The following NRAP variants were observed in gnomAD, a reference collection of about 807,000 sequenced individuals.
The protein encoded by NRAP is nebulin-related-anchoring protein.
Under a neutral mutation model 225.9 loss-of-function variants are expected in NRAP, and 189 were observed. That is an observed-to-expected ratio of 0.84 (90% CI 0.74 to 0.94). NRAP has a LOEUF of 0.94. NRAP is among the 40% of genes least tolerant of loss of function. The pLI is 0.00. For missense variants in NRAP, 2,176 were observed against 2,168.7 expected (o/e 1.00, Z -0.07); for synonymous variants, 769 against 790.7 (o/e 0.97, Z 0.46).
At chr10:113,657,448 C>A (rs774050576) in intron 4 of NRAP, 22 bp downstream of exon 4, 1 of 1,199,930 alleles carries the variant, frequency 8.3e-7, no homozygotes, top group Admixed American at 1.7e-5. Context: ...TTTTCCAAAC[C>A]CACTTGTCAC....
chr10:113,643,092 G>T, intron 11 of NRAP, 54 bp from the exon 12 acceptor site: 2 of 882,212 alleles, frequency 2.3e-6, no homozygotes, highest in South Asian at 1.4e-5. Context: ...AGTCACTCTT[G>T]AAAATGTCCC....
At chr10:113,644,348 G>C (rs1405086386) in intron 11 of NRAP, among the ~76,000 whole-genome samples, 1 of 152,060 alleles carries the variant, frequency 6.6e-6, no homozygotes, top group East Asian at 1.9e-4. Flanking sequence ...TGTTCTGTGA[G>C]TGAGAGCAAA....
chr10:113,635,877 G>C (rs3127095), intron 14 of NRAP, among the ~76,000 whole-genome samples: 84,287 of 151,992 alleles, frequency 0.55, 24,610 homozygotes, highest in East Asian at 0.73. Context: ...ACAAACTGTC[G>C]TGGGGTTCCT....
chr10:113,636,304 G>T (rs3127096), intron 14 of NRAP, among the ~76,000 whole-genome samples: 84,114 of 152,006 alleles, frequency 0.55, 24,523 homozygotes, highest in East Asian at 0.73. Context: ...CCACACCTTG[G>T]CCACTCTTGT....
intron 8 of NRAP, 129 bp from the exon 9 acceptor site, chr10:113,650,270 A>C (rs1849862282): frequency 1.3e-6 from 1 of 774,244 alleles, no homozygotes; most frequent in Admixed American, 2.0e-5. Context: ...TGTCTCAGAC[A>C]TAAAAGTGCC....
intron 31 of NRAP, 52 bp from the exon 32 acceptor site, chr10:113,608,564 C>A: frequency 8.6e-7 from 1 of 1,164,404 alleles, no homozygotes; most frequent in Admixed American, 2.0e-5. Context: ...GGATAAAAAC[C>A]AGAAGCAGAA....
intron 31 of NRAP, among the ~76,000 whole-genome samples, chr10:113,609,999 T>C (rs1442704422): frequency 6.7e-6 from 1 of 149,884 alleles, no homozygotes; most frequent in Non-Finnish European, 1.5e-5. Context: ...CCCAGGGGGT[T>C]ACGGAGTGAG....
Position 113,631,842 on chromosome 10 carries a change from T to C in NRAP, c.1740+15A>G, listed in dbSNP as rs1454341088. ...CATTTCTTATGCATTCCTGAGTTAATGAGAGGAAACGTACATTGCTAGCAA... is the reference window on the plus strand; with the variant it reads ...CATTTCTTATGCATTCCTGAGTTAACGAGAGGAAACGTACATTGCTAGCAA... On this transcript the variant is annotated intron_variant, in intron 17 of 41. Transcript: ENST00000359988. 6.5e-7 allele frequency: 1 copy of C among 1,527,764 alleles called. No homozygotes were observed. Among genetic ancestry groups the C allele is most frequent in the African/African-American group, 1.4e-5 (1 of 73,368 alleles). 94.6% of individuals were successfully genotyped at this position (1,527,764 alleles called of 1,614,324 possible). A position where few individuals can be genotyped will look rare whatever the true frequency, so the allele number is the denominator to read the frequency against.
intron 38 of NRAP, among the ~76,000 whole-genome samples, chr10:113,593,053 T>A (rs1327406601): frequency 1.3e-5 from 2 of 151,680 alleles, no homozygotes; most frequent in Non-Finnish European, 2.9e-5. Context: ...GTAGCTAATA[T>A]TTTTTTTTCA....
Position 113,622,164 on chromosome 10 carries a change from T to C in NRAP, c.2474A>G (p.Asp825Gly). 6.2e-7 allele frequency: 1 copy of C among 1,612,862 alleles called. No homozygotes were observed. The highest frequency in any genetic ancestry group is 1.7e-4 in the Middle Eastern group (1 of 6,060). Residue 825 changes from aspartate to glycine, a missense_variant, in exon 24 of 42, where the codon GAT (aspartate) becomes GGT (glycine). By Grantham distance (94) the Asp-to-Gly change is moderately conservative (BLOSUM62 -1). Around this residue, in one of 3 missense-constraint regions of NRAP, gnomAD observed 1,708 missense variants for 1,695.5 expected, o/e 1.01. Coordinates refer to ENST00000359988, the MANE Select transcript of NRAP (RefSeq NM_198060.4). ...GAGCTTCCCTCTGGATCTCTCATAA[T>C]CCTCCTTGTACTTCACCTAAATAAG... ...DLASEVKYKE[D>G]YERSRGKLIG...
intron 40 of NRAP, 60 bp from the exon 41 acceptor site, chr10:113,589,857 T>TTAAG (rs1337665854): frequency 7.0e-6 from 11 of 1,575,880 alleles, no homozygotes; most frequent in South Asian, 1.2e-5. Flanking sequence ...GGTTTGACCA[T>TTAAG]TAAGTAAAGA....
At chr10:113,645,415 GTTGTTTGT>G (rs72181176) in intron 11 of NRAP, among the ~76,000 whole-genome samples, 4 of 151,384 alleles carry the variant, frequency 2.6e-5, no homozygotes, top group Admixed American at 1.3e-4. Context: ...CACCTTTTTT[GTTGTTTGT>G]TTGTTTGTTT....
intron 16 of NRAP, among the ~76,000 whole-genome samples, chr10:113,632,854 C>G (rs1848648876): frequency 6.6e-6 from 1 of 152,212 alleles, no homozygotes; most frequent in African/African-American, 2.4e-5. Context: ...TGTGTTCACA[C>G]ATAGATTGTA....
At chr10:113,608,295 T>G (rs1847116526) in intron 32 of NRAP, 119 bp downstream of exon 32, 8 of 647,866 alleles carry the variant, frequency 1.2e-5, no homozygotes, top group Non-Finnish European at 1.9e-5. Flanking sequence ...GACATTCTTT[T>G]CTTTCCAAAC....
At chr10:113,611,313 C>T (rs897695392) in intron 30 of NRAP, among the ~76,000 whole-genome samples, 6 of 152,176 alleles carry the variant, frequency 3.9e-5, no homozygotes, top group South Asian at 4.1e-4. Flanking sequence ...TCCAAACAGA[C>T]GACAGACACC....
chr10:113,662,822 G>A (rs1193969808), intron 2 of NRAP, 56 bp from the exon 3 acceptor site: 2 of 756,568 alleles, frequency 2.6e-6, no homozygotes, highest in East Asian at 5.6e-5. Flanking sequence ...AAATGATTGA[G>A]GGACTATTCT....
rs117065589 is a variant in NRAP at position 113,615,472 on chromosome 10, G to A, written c.3078+240C>T. On this transcript the variant is annotated intron_variant, in intron 27 of 41. Transcript: ENST00000359988. Reference sequence around the variant, plus strand: ...ATGCTCTTTGAACTAGGCAGAGAATGTCCCCAGATCATTCTTTCAAATGAG... The same window carrying A: ...ATGCTCTTTGAACTAGGCAGAGAATATCCCCAGATCATTCTTTCAAATGAG... 3.0e-4 allele frequency among the ~76,000 whole-genome samples: 46 copies of A among 152,256 alleles called. No individual in the cohort carries two copies. The East Asian group carries it at 8.7e-3, about 29-fold the overall frequency.
In NRAP at chr10:113,615,655, C is replaced by T. The variant is rs1592769223; in HGVS notation, c.3078+57G>A. The stretch of plus-strand genomic sequence containing the variant: ...TGAGCACAGGGCATTGTGTGCCTGC[C>T]CATGACCAGCCCCGCTCTCCCGTCA... On this transcript the variant is annotated intron_variant, in intron 27 of 41. Transcript: ENST00000359988. 5 of 933,460 alleles carry T rather than the reference C, an allele frequency of 5.4e-6. No homozygotes were observed. In the East Asian group the frequency reaches 9.8e-5, roughly 18 times the overall value. The allele number at this position is 933,460 out of a possible 1,614,324, so 57.8% of individuals were successfully genotyped here.
chr10:113,622,150 T>C lies in NRAP; in HGVS notation c.2488A>G (p.Arg830Gly). ...TCTTTTGCCCCAATGAGCTTCCCTCTGGATCTCTCATAATCCTCCTTGTAC... is the reference window on the plus strand; with the variant it reads ...TCTTTTGCCCCAATGAGCTTCCCTCCGGATCTCTCATAATCCTCCTTGTAC... ...VKYKEDYERS[R>G]GKLIGAKDVQ... The change falls in exon 24 of 42, where the codon AGA becomes GGA. Residue 830 changes from arginine (R) to glycine (G), a missense_variant. Physicochemically the swap from Arg to Gly is moderately radical, Grantham distance 125. Coordinates refer to ENST00000359988, the MANE Select transcript of NRAP (RefSeq NM_198060.4). The C allele has an allele frequency of 6.2e-7, 1 of 1,613,706 alleles. No homozygotes were observed. Among genetic ancestry groups the C allele is most frequent in the Non-Finnish European group, 8.5e-7 (1 of 1,179,598 alleles).
Sources: gnomAD v4.1 joint callset for allele counts (sites outside exome capture counted in the v4.1 genomes callset) on GRCh38, gnomAD v4.1.1 for gene constraint, gnomAD v4.1.1 regional missense constraint, MANE v1.5 for transcripts, NCBI Gene and HGNC (gene_info 2026-07-23, HGNC 2026-07-21) for gene names.